Variants in TPP2 observed in about 807,000 individuals in gnomAD.
TPP2 encodes tripeptidyl-peptidase 2.
A neutral mutation model predicts 155.9 loss-of-function variants in TPP2; 34 were observed. The ratio of observed to expected loss-of-function variants is 0.22; its 90% CI spans 0.17 to 0.29. TPP2 has a LOEUF of 0.29. Among genes scored for constraint, TPP2 ranks in the 10% least tolerant of loss-of-function variants. The probability of loss-of-function intolerance (pLI) is 1.00; values close to 1 mark genes in which losing one functional copy is unlikely to be tolerated. For synonymous variants in TPP2, 510 were observed against 529.4 expected, an observed-to-expected ratio of 0.96 and a Z score of 0.50; for missense variants, 1,028 against 1,522.3, an observed-to-expected ratio of 0.68 and a Z score of 5.40.
At chr13:102,613,064 A>C (rs927145271) in intron 2 of TPP2, among the ~76,000 whole-genome samples, 1 of 152,166 alleles carries the variant, frequency 6.6e-6, no homozygotes, top group African/African-American at 2.4e-5. Context: ...CAGAATTCCT[A>C]TTCTTTAAAG....
intron 24 of TPP2, chr13:102,655,036 C>T: frequency 4.0e-6 from 2 of 501,848 alleles, no homozygotes; most frequent in Admixed American, 2.0e-5. Context: ...GGTTCTGGCC[C>T]CCTGACCTCA....
chr13:102,597,274 G>A lies in TPP2; in HGVS notation c.165+71G>A, dbSNP rs1205891143. ...GGGACGCGGGTGGGGACACAGTCTC[G>A]GAGCCCGGCAGGCCAAAGCCCCGCT... On this transcript the variant is annotated intron_variant, in intron 1 of 29. Transcript: ENST00000376052. The A allele has an allele frequency of 3.3e-6, 3 of 913,976 alleles. 1 individual carries two copies. Among genetic ancestry groups the A allele is most frequent in the South Asian group, 5.2e-5 (2 of 38,610 alleles). The allele number at this position is 913,976 out of a possible 1,614,324, so 56.6% of individuals were successfully genotyped here. A position where few individuals can be genotyped will look rare whatever the true frequency, so the allele number is the denominator to read the frequency against.
chr13:102,615,665 C>T (rs1880663393), intron 3 of TPP2, among the ~76,000 whole-genome samples: 1 of 152,070 alleles, frequency 6.6e-6, no homozygotes, highest in African/African-American at 2.4e-5. Context: ...ATTGAGGATG[C>T]CTGCATTGTC....
At chr13:102,673,045 G>T (rs1402344422) in intron 27 of TPP2, among the ~76,000 whole-genome samples, 1 of 152,156 alleles carries the variant, frequency 6.6e-6, no homozygotes, top group African/African-American at 2.4e-5. Flanking sequence ...TTGCCTCCCT[G>T]CCCACTTTCA....
chr13:102,650,260 T>C (rs1162219213), intron 23 of TPP2, among the ~76,000 whole-genome samples: 2 of 152,182 alleles, frequency 1.3e-5, no homozygotes, highest in African/African-American at 4.8e-5. Flanking sequence ...CAGTTTTGCA[T>C]TTCTCTGTAC....
chr13:102,623,478 G>A (rs775043102), intron 6 of TPP2, among the ~76,000 whole-genome samples: 3 of 152,272 alleles, frequency 2.0e-5, no homozygotes, highest in Non-Finnish European at 2.9e-5. Flanking sequence ...CAGGAGAATC[G>A]TTTGAACCTA....
intron 2 of TPP2, among the ~76,000 whole-genome samples, chr13:102,611,325 G>T (rs1268235004): frequency 2.6e-5 from 4 of 152,160 alleles, no homozygotes; most frequent in Non-Finnish European, 4.4e-5. Context: ...TTCCAAGTGC[G>T]TGTTTGTTTG....
At chr13:102,629,926 TG>T (rs925143374) in intron 9 of TPP2, among the ~76,000 whole-genome samples, 169 bp from the exon 10 acceptor site, 1 of 152,226 alleles carries the variant, frequency 6.6e-6, no homozygotes, top group Non-Finnish European at 1.5e-5. Context: ...CTTAGTAAAA[TG>T]TATGGTACAT....
rs770679110 is a variant in TPP2, at chr13:102,635,651, A to C, written c.1458A>C (p.Ala486=). ...HSVRRALENT[A]VKADNIEVFA... ...TCAGAAGAGCTCTAGAAAACACTGC[A>C]GTGAAGGCTGACAATATAGAAGTAT... is the stretch of plus-strand genomic sequence containing the variant. The change falls in exon 12 of 30, where the codon GCA becomes GCC. Residue 486 remains alanine (A), a synonymous_variant. Coordinates refer to ENST00000376052, the MANE Select transcript of TPP2 (RefSeq NM_001330588.2). The C allele has an allele frequency of 1.2e-6, 2 of 1,613,480 alleles. No homozygotes were observed. Among genetic ancestry groups the C allele is most frequent in the Non-Finnish European group, 1.7e-6 (2 of 1,179,828 alleles).
At chr13:102,636,485 G>A (rs911016096) in intron 13 of TPP2, 93 bp downstream of exon 13, 1 of 1,383,558 alleles carries the variant, frequency 7.2e-7, no homozygotes, top group Non-Finnish European at 9.7e-7. Flanking sequence ...GGCCAGTGTT[G>A]TGAAGAGAAT....
intron 11 of TPP2, 30 bp downstream of exon 11, chr13:102,634,128 A>G: frequency 6.2e-7 from 1 of 1,609,944 alleles, no homozygotes; most frequent in Non-Finnish European, 8.5e-7. Flanking sequence ...TCCTTACATT[A>G]TTGCAGACCA....
At chr13:102,633,387 T>G (rs995719162) in intron 10 of TPP2, among the ~76,000 whole-genome samples, 1 of 152,218 alleles carries the variant, frequency 6.6e-6, no homozygotes, top group Non-Finnish European at 1.5e-5. Context: ...AAAAAAACAA[T>G]GTAAACTAAT....
intron 25 of TPP2, among the ~76,000 whole-genome samples, chr13:102,660,524 TTGTC>T (rs1337592304): frequency 6.6e-5 from 10 of 152,308 alleles, no homozygotes; most frequent in South Asian, 2.1e-4. Context: ...AAGGTATTCT[TTGTC>T]TGTGGACCAG....
At position 102,663,522 on chromosome 13, in the gene TPP2, A is replaced by G; in HGVS notation, c.3144-126A>G. The G allele has an allele frequency of 6.4e-6, 4 of 629,728 alleles. No homozygotes were observed. In the South Asian group the frequency reaches 9.7e-5, roughly 15 times the overall value. 39.0% of individuals were successfully genotyped at this position (629,728 alleles called of 1,614,324 possible). A position where few individuals can be genotyped will look rare whatever the true frequency, so the allele number is the denominator to read the frequency against. ...AATGATAATCCTTGTCAATGACTATACTTGTATTTCAAATTAATGTCTTAT... is the reference window on the plus strand; with the variant it reads ...AATGATAATCCTTGTCAATGACTATGCTTGTATTTCAAATTAATGTCTTAT... On this transcript the variant is annotated intron_variant, in intron 25 of 29. Coordinates refer to ENST00000376052, the MANE Select transcript of TPP2 (RefSeq NM_001330588.2).
chr13:102,639,795 T>A (rs1595175600), intron 15 of TPP2, among the ~76,000 whole-genome samples: 1 of 152,240 alleles, frequency 6.6e-6, no homozygotes, highest in Admixed American at 6.5e-5. Context: ...AAAAGTGCTT[T>A]GAAAGTAGTT....
At chr13:102,660,438 C>G (rs200405433) in intron 25 of TPP2, among the ~76,000 whole-genome samples, 1 of 151,706 alleles carries the variant, frequency 6.6e-6, no homozygotes. Flanking sequence ...ACATGTTTAA[C>G]AAGAGATGTA....
intron 1 of TPP2, 26 bp from the exon 2 acceptor site, chr13:102,604,767 C>T (rs1566315467): frequency 6.2e-7 from 1 of 1,602,090 alleles, no homozygotes; most frequent in South Asian, 1.1e-5. Context: ...ATCTACCATT[C>T]ATATTTTAAT....
intron 14 of TPP2, 53 bp from the exon 15 acceptor site, chr13:102,638,186 C>G: frequency 2.0e-6 from 3 of 1,531,910 alleles, no homozygotes; most frequent in Non-Finnish European, 2.7e-6. Context: ...CCTTCCCCCG[C>G]TCTTTTAAAC....
intron 24 of TPP2, among the ~76,000 whole-genome samples, chr13:102,654,241 A>G (rs1158915549): frequency 6.6e-6 from 1 of 152,190 alleles, no homozygotes. Context: ...CCAGGTTTAT[A>G]ATTTTTACTA....
Sources: gnomAD v4.1 joint callset for allele counts (sites outside exome capture counted in the v4.1 genomes callset) on GRCh38, gnomAD v4.1.1 for gene constraint, MANE v1.5 for transcripts, NCBI Gene and HGNC (gene_info 2026-07-23, HGNC 2026-07-21) for gene names.